AGPAT3: variants seen among roughly 807,000 people sequenced by gnomAD.
AGPAT3 encodes the protein 1-acyl-sn-glycerol-3-phosphate acyltransferase gamma.
Under a neutral mutation model 47.3 loss-of-function variants are expected in AGPAT3, and 5 were observed. The ratio of observed to expected loss-of-function variants is 0.11; its 90% CI spans 0.06 to 0.22. AGPAT3 has a LOEUF of 0.22. AGPAT3 is among the 10% of genes least tolerant of loss of function. The probability of loss-of-function intolerance (pLI) is 1.00; values close to 1 mark genes in which losing one functional copy is unlikely to be tolerated. For missense variants in AGPAT3, 315 were observed against 493.0 expected (o/e 0.64, Z 3.42); for synonymous variants, 212 against 208.3 (o/e 1.02, Z -0.15).
intron 2 of AGPAT3, among the ~76,000 whole-genome samples, chr21:43,951,108 G>T (rs1350114013): frequency 6.6e-6 from 1 of 152,214 alleles, no homozygotes; most frequent in African/African-American, 2.4e-5. Context: ...GGCTCACCGT[G>T]GTCCCCTCCT....
intron 2 of AGPAT3, among the ~76,000 whole-genome samples, chr21:43,941,649 T>C (rs1240957567): frequency 6.6e-6 from 1 of 152,144 alleles, no homozygotes; most frequent in African/African-American, 2.4e-5. Context: ...TGGTGAGGGT[T>C]CCAAAACCCC....
intron 2 of AGPAT3, among the ~76,000 whole-genome samples, chr21:43,909,667 G>GGA: frequency 1.3e-5 from 2 of 152,132 alleles, no homozygotes; most frequent in Admixed American, 1.3e-4. Context: ...GTATCCCGAC[G>GGA]GTGCTGTTCC....
rs149640920 is a variant in AGPAT3 at position 43,869,079 on chromosome 21, C to T, written c.-112+3734C>T. Among the ~76,000 whole-genome samples, 24 of 152,290 alleles carry T rather than the reference C, an allele frequency of 1.6e-4. No homozygotes were observed. The East Asian group carries it at 4.4e-3, about 28-fold the overall frequency. ...TAAACACTTTTCACTTGTAGAAGGC[C>T]GTACTTGCTGGACTGGGGGCTCTGA... On this transcript the variant is annotated intron_variant, in intron 1 of 9. Coordinates refer to ENST00000291572, the MANE Select transcript of AGPAT3 (RefSeq NM_020132.5).
intron 2 of AGPAT3, among the ~76,000 whole-genome samples, chr21:43,942,293 G>A (rs2087684737): frequency 6.6e-6 from 1 of 152,194 alleles, no homozygotes; most frequent in Non-Finnish European, 1.5e-5. Context: ...TGTAATAGGA[G>A]CGATTCTGCA....
At chr21:43,962,302 A>C (rs755729416) in intron 3 of AGPAT3, among the ~76,000 whole-genome samples, 2 of 152,026 alleles carry the variant, frequency 1.3e-5, no homozygotes, top group Non-Finnish European at 2.9e-5. Flanking sequence ...GCGCCCGGCC[A>C]GTTTGTTTCC....
At position 43,970,831 on chromosome 21, in the gene AGPAT3, G is replaced by A; in HGVS notation, c.664+25G>A. ...GGTAGGCCCCAGACTGCCCGAGCCG[G>A]GGCCACCGCTATGCTCACGGAAAAT... On this transcript the variant is annotated intron_variant, in intron 6 of 9. Transcript: ENST00000291572. The surrounding 1 kb of genome is among the most constrained non-coding windows in gnomAD (Gnocchi z 5.8). 1 of 1,510,578 alleles carries A rather than the reference G, an allele frequency of 6.6e-7. No homozygotes were observed. The highest frequency in any genetic ancestry group is 2.2e-5 in the Admixed American group (1 of 46,074). 93.6% of individuals were successfully genotyped at this position (1,510,578 alleles called of 1,614,324 possible). A position where few individuals can be genotyped will look rare whatever the true frequency, so the allele number is the denominator to read the frequency against.
intron 1 of AGPAT3, among the ~76,000 whole-genome samples, chr21:43,902,631 G>T (rs1199263808): frequency 1.3e-5 from 2 of 152,148 alleles, no homozygotes; most frequent in Non-Finnish European, 2.9e-5. Flanking sequence ...CCATTTTTGA[G>T]GCTCCTCCCT....
chr21:43,865,462 T>A (rs1371178383), intron 1 of AGPAT3, 117 bp downstream of exon 1: 1 of 145,362 alleles, frequency 6.9e-6, no homozygotes, highest in Non-Finnish European at 1.5e-5. Context: ...CCGTCCGACC[T>A]CGGGCCGCCC....
chr21:43,899,660 C>T (rs2086307543), intron 1 of AGPAT3, among the ~76,000 whole-genome samples: 1 of 152,198 alleles, frequency 6.6e-6, no homozygotes, highest in Non-Finnish European at 1.5e-5. Context: ...CCTTCCTGCC[C>T]TGAGCAGAGC....
Position 43,939,875 on chromosome 21 carries a change from T to G in AGPAT3, c.-48-19759T>G, listed in dbSNP as rs1414873529. 6.6e-6 allele frequency among the ~76,000 whole-genome samples: 1 copy of G among 152,186 alleles called. No individual in the cohort carries two copies. The highest frequency in any genetic ancestry group is 1.5e-5 in the Non-Finnish European group (1 of 68,008). The stretch of plus-strand genomic sequence containing the variant: ...GGCTGGCCCTGTGACTCTGCCTGTT[T>G]ACAGTGAGCAGCTCCTGGCCAAAAG... On this transcript the variant is annotated intron_variant, in intron 2 of 9. Coordinates refer to ENST00000291572, the MANE Select transcript of AGPAT3 (RefSeq NM_020132.5). The surrounding 1 kb of genome is among the most constrained non-coding windows in gnomAD (Gnocchi z 4.4).
At chr21:43,911,695 G>T (rs940684180) in intron 2 of AGPAT3, among the ~76,000 whole-genome samples, 2 of 152,254 alleles carry the variant, frequency 1.3e-5, no homozygotes, top group Non-Finnish European at 2.9e-5. Context: ...CCCACACGGG[G>T]TTCCTCCCAT....
In AGPAT3 at chr21:43,955,831, A is replaced by G. The variant is rs2088427095; in HGVS notation, c.-48-3803A>G. 6.6e-6 allele frequency among the ~76,000 whole-genome samples: 1 copy of G among 151,344 alleles called. No homozygotes were observed. The highest frequency in any genetic ancestry group is 1.5e-5 in the Non-Finnish European group (1 of 67,916). On this transcript the variant is annotated intron_variant, in intron 2 of 9. Coordinates refer to ENST00000291572, the MANE Select transcript of AGPAT3 (RefSeq NM_020132.5). This position sits in a 1 kb window ranked among gnomAD's most constrained non-coding sequence, Gnocchi z 4.1. Reference sequence around the variant, plus strand: ...TGAGGCATGAGAATTGCTTGAACCCAGGAAGCTGCAGTGAGCCAAGATGGC... The same window carrying G: ...TGAGGCATGAGAATTGCTTGAACCCGGGAAGCTGCAGTGAGCCAAGATGGC...
In AGPAT3 at chr21:43,880,695, C is replaced by T. The variant is rs1569042992; in HGVS notation, c.-112+15350C>T. On this transcript the variant is annotated intron_variant, in intron 1 of 9. Coordinates refer to ENST00000291572, the MANE Select transcript of AGPAT3 (RefSeq NM_020132.5). The surrounding 1 kb of genome is among the most constrained non-coding windows in gnomAD (Gnocchi z 4.5). ...CATTTCACAATGATTTTGCCAATTA[C>T]CCTTGTTATTTCCACTCACATATAT... 6.6e-6 allele frequency among the ~76,000 whole-genome samples: 1 copy of T among 152,210 alleles called. No individual in the cohort carries two copies. The highest frequency in any genetic ancestry group is 1.9e-4 in the East Asian group (1 of 5,204).
chr21:43,878,508 CA>C (rs1216268559), intron 1 of AGPAT3, among the ~76,000 whole-genome samples: 1 of 152,196 alleles, frequency 6.6e-6, no homozygotes, highest in African/African-American at 2.4e-5. Flanking sequence ...TCCGTTTTCC[CA>C]GTTATAAATA....
chr21:43,931,438 T>C (rs559118525), intron 2 of AGPAT3, among the ~76,000 whole-genome samples: 16 of 152,364 alleles, frequency 1.1e-4, no homozygotes, highest in African/African-American at 3.4e-4. Context: ...TTCTTCTCTT[T>C]TAATATTTTT....
intron 3 of AGPAT3, chr21:43,965,605 T>TG (rs2089081344): frequency 1.0e-5 from 1 of 97,496 alleles, no homozygotes; most frequent in African/African-American, 5.2e-5. Flanking sequence ...GAATTTTAGG[T>TG]TTTTTTTGTT....
At chr21:43,957,712 C>T (rs1291091866) in intron 2 of AGPAT3, among the ~76,000 whole-genome samples, 16 of 149,446 alleles carry the variant, frequency 1.1e-4, no homozygotes, top group Non-Finnish European at 2.2e-4. Context: ...TCCCCCTCCA[C>T]ACGGGGGTCT....
intron 2 of AGPAT3, among the ~76,000 whole-genome samples, chr21:43,928,331 A>G (rs903851007): frequency 2.0e-5 from 3 of 152,246 alleles, no homozygotes; most frequent in African/African-American, 4.8e-5. Flanking sequence ...CACAGCGTTA[A>G]GGAATATACA....
intron 1 of AGPAT3, among the ~76,000 whole-genome samples, chr21:43,900,812 CAG>C (rs1421666137): frequency 1.3e-5 from 2 of 152,138 alleles, no homozygotes; most frequent in Non-Finnish European, 2.9e-5. Flanking sequence ...ACTCACCAAA[CAG>C]AGCTTACGAG....
Sources: gnomAD v4.1 joint callset for allele counts (sites outside exome capture counted in the v4.1 genomes callset) on GRCh38, gnomAD v4.1.1 for gene constraint, Gnocchi (gnomAD v3.1) non-coding constraint, MANE v1.5 for transcripts, NCBI Gene and HGNC (gene_info 2026-07-23, HGNC 2026-07-21) for gene names.